The following AGBL4 variants were observed in gnomAD, a reference collection of about 807,000 sequenced individuals.
AGBL4 encodes the protein cytosolic carboxypeptidase 6.
Under a neutral mutation model 66.4 loss-of-function variants are expected in AGBL4, and 58 were observed. That is an observed-to-expected ratio of 0.87 (90% CI 0.71 to 1.09). The LOEUF is 1.09. AGBL4 is among the 50% of genes least tolerant of loss of function. The pLI, the probability that AGBL4 is intolerant of heterozygous loss-of-function variation, is 0.00. For missense variants in AGBL4, 579 were observed against 631.0 expected (o/e 0.92, Z 0.88); for synonymous variants, 234 against 222.9 (o/e 1.05, Z -0.44).
At chr1:49,775,632 G>A (rs954138996) in intron 2 of AGBL4, among the ~76,000 whole-genome samples, 3 of 151,932 alleles carry the variant, frequency 2.0e-5, no homozygotes, top group Non-Finnish European at 2.9e-5. Context: ...ATTACCATGT[G>A]TCTACATTTC....
At chr1:49,839,772 G>A (rs534293626) in intron 2 of AGBL4, among the ~76,000 whole-genome samples, 1 of 152,108 alleles carries the variant, frequency 6.6e-6, no homozygotes, top group African/African-American at 2.4e-5. Context: ...CATACATTTA[G>A]GTGTTGTGAT....
chr1:49,344,270 C>A (rs1320235537), intron 3 of AGBL4, among the ~76,000 whole-genome samples: 2 of 151,774 alleles, frequency 1.3e-5, no homozygotes, highest in South Asian at 2.1e-4. Context: ...ATGTAACTAA[C>A]CTGCACAATG....
chr1:49,959,419 C>G lies in AGBL4; in HGVS notation c.34+64344G>C, dbSNP rs188981852. Among the ~76,000 whole-genome samples the G allele has an allele frequency of 1.1e-4, 17 of 152,092 alleles. No homozygotes were observed. The East Asian group carries it at 3.3e-3, about 29-fold the overall frequency. On this transcript the variant is annotated intron_variant, in intron 1 of 13. Transcript: ENST00000371839. ...TTGAAAATAGCAGGATTCATAGAAA[C>G]AGAAAAGCTGAGTTGAGGGACAGTT... is the stretch of plus-strand genomic sequence containing the variant.
At chr1:49,738,884 C>T (rs941968759) in intron 2 of AGBL4, among the ~76,000 whole-genome samples, 8 of 152,066 alleles carry the variant, frequency 5.3e-5, no homozygotes, top group Admixed American at 6.6e-5. Flanking sequence ...GAAAGGACAT[C>T]GATACCAAAA....
At chr1:49,566,901 C>A (rs1356474822) in intron 3 of AGBL4, among the ~76,000 whole-genome samples, 1 of 152,190 alleles carries the variant, frequency 6.6e-6, no homozygotes, top group East Asian at 1.9e-4. Context: ...AGAGGTGGAG[C>A]CTACAGAGGC....
intron 2 of AGBL4, among the ~76,000 whole-genome samples, chr1:49,724,283 C>T (rs185008325): frequency 6.6e-6 from 1 of 152,258 alleles, no homozygotes; most frequent in East Asian, 1.9e-4. Context: ...TATGAAACCT[C>T]TTAATGCTGT....
intron 1 of AGBL4, among the ~76,000 whole-genome samples, chr1:50,015,776 A>G (rs74361383): frequency 0.022 from 3,287 of 152,322 alleles, 109 homozygotes; most frequent in African/African-American, 0.073. Flanking sequence ...CTAAAACAGC[A>G]TGGTACTAGT....
chr1:49,629,730 C>T (rs1558116040), intron 3 of AGBL4, among the ~76,000 whole-genome samples: 2 of 152,164 alleles, frequency 1.3e-5, no homozygotes, highest in Non-Finnish European at 2.9e-5. Flanking sequence ...ACATGGTCAT[C>T]AGTCCCTTTG....
At chr1:49,107,816 G>A (rs1645328705) in intron 4 of AGBL4, among the ~76,000 whole-genome samples, 1 of 151,846 alleles carries the variant, frequency 6.6e-6, no homozygotes, top group African/African-American at 2.4e-5. Flanking sequence ...ATAGGGGGAT[G>A]ATCAATAAAC....
intron 3 of AGBL4, among the ~76,000 whole-genome samples, chr1:49,596,156 C>CTATGTTTCCAA (rs919360631): frequency 7.9e-5 from 12 of 152,144 alleles, no homozygotes; most frequent in Non-Finnish European, 2.9e-5. Flanking sequence ...CATACTTCTG[C>CTATGTTTCCAA]AGGAAACATG....
intron 3 of AGBL4, among the ~76,000 whole-genome samples, chr1:49,514,826 C>G (rs1340653669): frequency 1.3e-5 from 2 of 152,016 alleles, no homozygotes; most frequent in Non-Finnish European, 2.9e-5. Context: ...GGAAAACTGG[C>G]TAGCCATATG....
At chr1:49,869,881 G>C (rs1646796940) in intron 1 of AGBL4, among the ~76,000 whole-genome samples, 1 of 152,166 alleles carries the variant, frequency 6.6e-6, no homozygotes, top group South Asian at 2.1e-4. Context: ...CATTGACCTA[G>C]TGTGTTTGAT....
At chr1:49,273,811 G>T (rs1644111082) in intron 3 of AGBL4, among the ~76,000 whole-genome samples, 1 of 152,070 alleles carries the variant, frequency 6.6e-6, no homozygotes, top group Non-Finnish European at 1.5e-5. Flanking sequence ...GAGTAGCTGG[G>T]ACTACAGGCA....
At chr1:49,161,339 G>A (rs1646538095) in intron 4 of AGBL4, among the ~76,000 whole-genome samples, 1 of 152,104 alleles carries the variant, frequency 6.6e-6, no homozygotes, top group Non-Finnish European at 1.5e-5. Context: ...CCTGGGTGAG[G>A]TGATGCCCCG....
intron 5 of AGBL4, among the ~76,000 whole-genome samples, chr1:48,929,493 C>T (rs1385710982): frequency 6.6e-6 from 1 of 152,102 alleles, no homozygotes; most frequent in Non-Finnish European, 1.5e-5. Flanking sequence ...AGGAGTGTAA[C>T]CTTTGAATCT....
rs147710886 is a variant in AGBL4 at position 49,743,101 on chromosome 1, A to G, written c.158-45664T>C. On this transcript the variant is annotated intron_variant, in intron 2 of 13. Coordinates refer to ENST00000371839, the MANE Select transcript of AGBL4 (RefSeq NM_032785.4). The stretch of plus-strand genomic sequence containing the variant: ...CTGCACAGCAAAAGAAACTACCTTC[A>G]GACTGAACAGTCAAACCTACAGAAT... Among the ~76,000 whole-genome samples, 887 of 152,366 alleles carry G rather than the reference A, an allele frequency of 5.8e-3. 7 individuals carry two copies. The highest frequency in any genetic ancestry group is 0.017 in the Middle Eastern group (5 of 294).
At chr1:49,595,886 G>A (rs1382139149) in intron 3 of AGBL4, among the ~76,000 whole-genome samples, 15 of 152,084 alleles carry the variant, frequency 9.9e-5, no homozygotes, top group Non-Finnish European at 1.9e-4. Flanking sequence ...CGTTTTCCCA[G>A]AGCAGCTCAG....
At chr1:49,314,860 A>C (rs1282575411) in intron 3 of AGBL4, among the ~76,000 whole-genome samples, 1 of 152,054 alleles carries the variant, frequency 6.6e-6, no homozygotes, top group Non-Finnish European at 1.5e-5. Context: ...GTGTAAAAGC[A>C]TTCCTATTTC....
At chr1:49,015,713 C>T (rs1438749228) in intron 5 of AGBL4, among the ~76,000 whole-genome samples, 2 of 151,924 alleles carry the variant, frequency 1.3e-5, no homozygotes, top group Non-Finnish European at 1.5e-5. Flanking sequence ...CTTGAGCCAC[C>T]GCGCCTGGCC....
Sources: allele counts gnomAD v4.1 joint callset (sites outside exome capture counted in the v4.1 genomes callset), GRCh38; gene constraint gnomAD v4.1.1; transcripts MANE v1.5; gene names NCBI Gene and HGNC (gene_info 2026-07-23, HGNC 2026-07-21).